SPOCK1: variants seen among roughly 807,000 people sequenced by gnomAD.
SPOCK1 encodes the protein SPARC (osteonectin), cwcv and kazal like domains proteoglycan 1.
Under a neutral mutation model 55.3 loss-of-function variants are expected in SPOCK1, and 23 were observed. The ratio of observed to expected loss-of-function variants is 0.42; its 90% CI spans 0.30 to 0.59. The LOEUF is 0.59. Ranked by LOEUF, SPOCK1 falls within the 20% of genes least tolerant of loss-of-function variation. SPOCK1 has a pLI of 0.22. For missense variants in SPOCK1, 499 were observed against 552.5 expected, an observed-to-expected ratio of 0.90 and a Z score of 0.97; for synonymous variants, 226 against 221.0, an observed-to-expected ratio of 1.02 and a Z score of -0.20.
chr5:137,132,065 C>T (rs1472814790), intron 4 of SPOCK1, among the ~76,000 whole-genome samples: 4 of 131,732 alleles, frequency 3.0e-5, no homozygotes, highest in African/African-American at 1.2e-4. Flanking sequence ...GTCCCAGCTA[C>T]TCAGGAGGCT....
intron 3 of SPOCK1, among the ~76,000 whole-genome samples, chr5:137,179,570 A>C (rs752863745): frequency 6.6e-6 from 1 of 151,988 alleles, no homozygotes; most frequent in Non-Finnish European, 1.5e-5. Context: ...TTGTTTAACC[A>C]CCTTTTTGAC....
At chr5:137,139,353 C>G (rs1031022090) in intron 4 of SPOCK1, among the ~76,000 whole-genome samples, 79 of 152,288 alleles carry the variant, frequency 5.2e-4, no homozygotes, top group African/African-American at 1.8e-3. Flanking sequence ...AGCACCATTT[C>G]TCTGCCAGAC....
chr5:137,401,558 CAAAAAAAA>C (rs34044799), intron 2 of SPOCK1, among the ~76,000 whole-genome samples: 1,918 of 100,460 alleles, frequency 0.019, 46 homozygotes, highest in African/African-American at 0.067. Context: ...CTCATCTCTA[CAAAAAAAA>C]AAAAAAAAAA....
intron 2 of SPOCK1, among the ~76,000 whole-genome samples, chr5:137,430,343 C>G (rs1047201177): frequency 6.6e-6 from 1 of 152,196 alleles, no homozygotes; most frequent in Non-Finnish European, 1.5e-5. Flanking sequence ...GCTCATACTC[C>G]GCAATTCACA....
chr5:137,247,139 T>C (rs774779746), intron 3 of SPOCK1, among the ~76,000 whole-genome samples: 2 of 152,120 alleles, frequency 1.3e-5, no homozygotes, highest in African/African-American at 2.4e-5. Context: ...AGGCAGAACA[T>C]GGCAGGCAGA....
chr5:137,248,573 C>CAG (rs10634917), intron 3 of SPOCK1, among the ~76,000 whole-genome samples: 10,239 of 152,226 alleles, frequency 0.067, 1,048 homozygotes, highest in African/African-American at 0.23. Context: ...TGATCAAAAA[C>CAG]AGTTTTGAAG....
intron 2 of SPOCK1, among the ~76,000 whole-genome samples, chr5:137,374,709 G>T (rs1278578566): frequency 6.6e-6 from 1 of 152,180 alleles, no homozygotes; most frequent in East Asian, 1.9e-4. Context: ...CTTGCTGAGG[G>T]GAACACAGCA....
intron 5 of SPOCK1, among the ~76,000 whole-genome samples, chr5:137,104,861 T>C (rs981413573): frequency 3.9e-5 from 6 of 152,156 alleles, no homozygotes; most frequent in East Asian, 1.9e-4. Flanking sequence ...TGTATTATTA[T>C]GTAATAATAA....
intron 5 of SPOCK1, among the ~76,000 whole-genome samples, chr5:137,076,403 C>T (rs1752760747): frequency 6.6e-6 from 1 of 152,096 alleles, no homozygotes; most frequent in African/African-American, 2.4e-5. Context: ...TTTCAATAAA[C>T]CCATCTTAAG....
chr5:137,232,103 A>T (rs1583391), intron 3 of SPOCK1, among the ~76,000 whole-genome samples: 1 of 152,160 alleles, frequency 6.6e-6, no homozygotes, highest in Non-Finnish European at 1.5e-5. Flanking sequence ...AACACTTGCC[A>T]CCTGTAAGAT....
At chr5:137,026,692 G>A (rs984789174) in intron 6 of SPOCK1, among the ~76,000 whole-genome samples, 10 of 152,030 alleles carry the variant, frequency 6.6e-5, no homozygotes, top group East Asian at 1.9e-4. Context: ...ATACAGAACC[G>A]GCTTCAATAT....
intron 7 of SPOCK1, among the ~76,000 whole-genome samples, chr5:136,989,549 A>AATT (rs1750908737): frequency 6.6e-6 from 1 of 152,228 alleles, no homozygotes. Flanking sequence ...CTTTGTACTT[A>AATT]ATTTTCTCAC....
At chr5:137,344,609 A>G (rs1750513276) in intron 2 of SPOCK1, among the ~76,000 whole-genome samples, 1 of 152,238 alleles carries the variant, frequency 6.6e-6, no homozygotes, top group Non-Finnish European at 1.5e-5. Flanking sequence ...GATGCTGTTA[A>G]CCAACCTATA....
At chr5:137,171,102 C>CA (rs775721589) in intron 3 of SPOCK1, among the ~76,000 whole-genome samples, 3 of 152,138 alleles carry the variant, frequency 2.0e-5, no homozygotes, top group Non-Finnish European at 2.9e-5. Context: ...CAATGGAACT[C>CA]AAACATAAGC....
chr5:137,222,877 A>C (rs1422916671), intron 3 of SPOCK1, among the ~76,000 whole-genome samples: 1 of 152,242 alleles, frequency 6.6e-6, no homozygotes, highest in African/African-American at 2.4e-5. Context: ...TTCTTTTTAC[A>C]TATAAAGCAC....
chr5:137,347,909 A>G (rs1750595103), intron 2 of SPOCK1, among the ~76,000 whole-genome samples: 1 of 152,172 alleles, frequency 6.6e-6, no homozygotes, highest in South Asian at 2.1e-4. Flanking sequence ...TTGAATATGT[A>G]TGTCCTCTTG....
At position 137,497,717 on chromosome 5, in the gene SPOCK1, C is replaced by T. The variant is rs537783040; in HGVS notation, c.186+656G>A. Among the ~76,000 whole-genome samples the T allele has an allele frequency of 2.0e-5, 3 of 152,290 alleles. No homozygotes were observed. The East Asian group carries it at 5.8e-4, about 29-fold the overall frequency. On this transcript the variant is annotated intron_variant, in intron 2 of 10. Coordinates refer to ENST00000394945, the MANE Select transcript of SPOCK1 (RefSeq NM_004598.4). ...GCTCCCACGGAGGAGCAATGCTCTGCCACCCAGGGTCCCTTTCAGGGCAGG... is the reference window on the plus strand; with the variant it reads ...GCTCCCACGGAGGAGCAATGCTCTGTCACCCAGGGTCCCTTTCAGGGCAGG...
At chr5:137,484,031 T>C (rs1007794954) in intron 2 of SPOCK1, among the ~76,000 whole-genome samples, 1 of 152,126 alleles carries the variant, frequency 6.6e-6, no homozygotes, top group Admixed American at 6.5e-5. Flanking sequence ...AAGACTGAGA[T>C]GCGGGCCCAA....
chr5:137,390,166 T>C (rs1421791583), intron 2 of SPOCK1, among the ~76,000 whole-genome samples: 1 of 152,170 alleles, frequency 6.6e-6, no homozygotes, highest in Non-Finnish European at 1.5e-5. Flanking sequence ...GATTTTCTAT[T>C]TAATAAAAAG....
Sources: allele counts gnomAD v4.1 joint callset (sites outside exome capture counted in the v4.1 genomes callset), GRCh38; gene constraint gnomAD v4.1.1; transcripts MANE v1.5; gene names NCBI Gene and HGNC (gene_info 2026-07-23, HGNC 2026-07-21).